The following CAMK4 variants were observed in gnomAD, a reference collection of about 807,000 sequenced individuals.
The protein encoded by CAMK4 is calcium/calmodulin dependent protein kinase IV, also known as calcium/calmodulin-dependent protein kinase type IV.
A neutral mutation model predicts 44.9 loss-of-function variants in CAMK4; 22 were observed. That is an observed-to-expected ratio of 0.49 (90% CI 0.35 to 0.70). The LOEUF is 0.70. Ranked by LOEUF, CAMK4 falls within the 30% of genes least tolerant of loss-of-function variation. CAMK4 has a pLI of 0.01. For missense variants in CAMK4, 498 were observed against 586.8 expected (o/e 0.85, Z 1.56); for synonymous variants, 218 against 215.4 (o/e 1.01, Z -0.11).
intron 8 of CAMK4, among the ~76,000 whole-genome samples, chr5:111,474,679 A>G (rs1755176026): frequency 1.3e-5 from 2 of 152,210 alleles, no homozygotes; most frequent in Non-Finnish European, 2.9e-5. Flanking sequence ...TTCAATATCC[A>G]GGTGATATGG....
chr5:111,278,974 A>G (rs749768579), intron 1 of CAMK4, among the ~76,000 whole-genome samples: 2 of 152,224 alleles, frequency 1.3e-5, no homozygotes, highest in Non-Finnish European at 2.9e-5. Flanking sequence ...GTACCGCAAT[A>G]CAACCTCTGG....
At chr5:111,250,065 A>G (rs906430951) in intron 1 of CAMK4, among the ~76,000 whole-genome samples, 1 of 152,138 alleles carries the variant, frequency 6.6e-6, no homozygotes, top group East Asian at 1.9e-4. Flanking sequence ...GGACTACCTG[A>G]TTATCTGTCT....
At chr5:111,400,835 G>A (rs1752196819) in intron 5 of CAMK4, among the ~76,000 whole-genome samples, 1 of 152,148 alleles carries the variant, frequency 6.6e-6, no homozygotes, top group Admixed American at 6.5e-5. Context: ...GGGTCATCCT[G>A]TAGTAGCACA....
At chr5:111,393,831 G>T (rs1014404466) in intron 4 of CAMK4, among the ~76,000 whole-genome samples, 1 of 151,222 alleles carries the variant, frequency 6.6e-6, no homozygotes, top group South Asian at 2.1e-4. Flanking sequence ...AGAAGTTTGT[G>T]TAGCAAACTT....
intron 1 of CAMK4, among the ~76,000 whole-genome samples, chr5:111,250,602 C>A (rs979572283): frequency 1.3e-5 from 2 of 152,096 alleles, no homozygotes; most frequent in African/African-American, 4.8e-5. Flanking sequence ...TGTCTTCATC[C>A]CTGTAGTATC....
chr5:111,418,878 T>C (rs1282025455), intron 5 of CAMK4, among the ~76,000 whole-genome samples: 3 of 152,194 alleles, frequency 2.0e-5, no homozygotes, highest in African/African-American at 7.2e-5. Context: ...GTCTTTGCTA[T>C]TGTGAATAGT....
chr5:111,325,348 A>C (rs956102949), intron 1 of CAMK4, among the ~76,000 whole-genome samples: 1 of 152,090 alleles, frequency 6.6e-6, no homozygotes, highest in Non-Finnish European at 1.5e-5. Context: ...TTATAGCAGA[A>C]TGATTTATAA....
chr5:111,265,774 G>A (rs452466), intron 1 of CAMK4: 151,390 of 152,354 alleles, frequency 0.99, 75,222 homozygotes, highest in Middle Eastern at 1. Context: ...GAAGGAAGCT[G>A]TCACACAGAA....
intron 1 of CAMK4, among the ~76,000 whole-genome samples, chr5:111,225,705 G>A (rs899972168): frequency 2.0e-5 from 3 of 152,098 alleles, no homozygotes; most frequent in African/African-American, 7.2e-5. Context: ...CAGGATTCTG[G>A]ATGTTGGTAT....
intron 2 of CAMK4, 39 bp from the exon 3 acceptor site, chr5:111,374,811 G>A (rs751114891): frequency 5.7e-6 from 7 of 1,229,586 alleles, no homozygotes; most frequent in South Asian, 4.8e-5. Context: ...ATGAAGGGGG[G>A]AGTTTCTTTC....
At chr5:111,226,197 T>C (rs1022458699) in intron 1 of CAMK4, among the ~76,000 whole-genome samples, 4 of 152,198 alleles carry the variant, frequency 2.6e-5, no homozygotes, top group Non-Finnish European at 5.9e-5. Flanking sequence ...GGCTGACTTA[T>C]CCACACACGT....
intron 5 of CAMK4, among the ~76,000 whole-genome samples, chr5:111,417,428 C>G (rs1752854631): frequency 6.6e-6 from 1 of 151,992 alleles, no homozygotes; most frequent in South Asian, 2.1e-4. Flanking sequence ...GTTGTCCAGG[C>G]TGGTCTCAAA....
chr5:111,471,591 A>C (rs1347263099), intron 7 of CAMK4, among the ~76,000 whole-genome samples: 2 of 152,226 alleles, frequency 1.3e-5, no homozygotes, highest in Non-Finnish European at 2.9e-5. Context: ...TTTCAAACTG[A>C]AGTCTTAGCC....
chr5:111,361,337 T>C (rs1750581954), intron 2 of CAMK4, among the ~76,000 whole-genome samples: 1 of 152,096 alleles, frequency 6.6e-6, no homozygotes, highest in African/African-American at 2.4e-5. Context: ...TCAGGGTCTC[T>C]GAGTGTATAT....
intron 8 of CAMK4, 100 bp downstream of exon 8, chr5:111,473,486 C>A: frequency 1.3e-6 from 1 of 768,468 alleles, no homozygotes; most frequent in Non-Finnish European, 2.2e-6. Flanking sequence ...TTACTTTTTG[C>A]CTTTTTGTGA....
chr5:111,308,954 T>C (rs577268559), intron 1 of CAMK4, among the ~76,000 whole-genome samples: 1 of 152,338 alleles, frequency 6.6e-6, no homozygotes, highest in Non-Finnish European at 1.5e-5. Flanking sequence ...TTAACTTCAT[T>C]GACTGATGTT....
At chr5:111,429,867 A>T (rs765921548) in intron 5 of CAMK4, among the ~76,000 whole-genome samples, 2 of 149,164 alleles carry the variant, frequency 1.3e-5, no homozygotes, top group Non-Finnish European at 3.0e-5. Context: ...TTCACTGCCA[A>T]TTTCTACCAA....
At chr5:111,350,258 T>C (rs933826563) in intron 2 of CAMK4, among the ~76,000 whole-genome samples, 12 of 152,076 alleles carry the variant, frequency 7.9e-5, no homozygotes, top group African/African-American at 2.9e-4. Flanking sequence ...TTATTCTTAT[T>C]AATTGCAATG....
intron 1 of CAMK4, among the ~76,000 whole-genome samples, chr5:111,241,833 C>T (rs1181013287): frequency 6.6e-6 from 1 of 152,176 alleles, no homozygotes; most frequent in Non-Finnish European, 1.5e-5. Flanking sequence ...GAAGCTGTCC[C>T]TGGAATCTTG....
Sources: allele counts gnomAD v4.1 joint callset (sites outside exome capture counted in the v4.1 genomes callset), GRCh38; gene constraint gnomAD v4.1.1; transcripts MANE v1.5; gene names NCBI Gene and HGNC (gene_info 2026-07-23, HGNC 2026-07-21).